Variants in ESRRG observed in about 807,000 individuals in gnomAD.
ESRRG encodes the protein estrogen-related receptor gamma.
In ESRRG, 13 loss-of-function variants were observed where a neutral mutation model predicts 44.0. The observed-to-expected ratio is 0.30, with a 90% CI of 0.19 to 0.47. The LOEUF (loss-of-function observed/expected upper bound fraction) is 0.47, where lower values mean the gene tolerates loss of function less well. Among genes scored for constraint, ESRRG ranks in the 20% least tolerant of loss-of-function variants. The pLI is 1.00. For synonymous variants in ESRRG, 215 were observed against 214.6 expected (o/e 1.00, Z -0.02); for missense variants, 395 against 580.6 (o/e 0.68, Z 3.29).
chr1:216,614,337 CTTTCTCTTTTTT>C (rs2061102088), intron 3 of ESRRG, among the ~76,000 whole-genome samples: 1 of 100,002 alleles, frequency 1.0e-5, no homozygotes, highest in Admixed American at 9.9e-5. Flanking sequence ...GTGACATCCT[CTTTCTCTTTTTT>C]TTTTGACATT....
At chr1:216,840,177 A>G (rs1449325808) in intron 2 of ESRRG, among the ~76,000 whole-genome samples, 1 of 152,186 alleles carries the variant, frequency 6.6e-6, no homozygotes, top group African/African-American at 2.4e-5. Flanking sequence ...CACCTTCATC[A>G]ACGATCCTAG....
chr1:216,582,949 A>G (rs2063074166), intron 3 of ESRRG, among the ~76,000 whole-genome samples: 2 of 152,168 alleles, frequency 1.3e-5, no homozygotes, highest in Admixed American at 6.5e-5. Context: ...TAGAATAGAA[A>G]ACCTAAAGTG....
chr1:217,124,960 G>A (rs546906095), intron 1 of ESRRG, among the ~76,000 whole-genome samples: 210 of 152,246 alleles, frequency 1.4e-3, no homozygotes, highest in Admixed American at 5.0e-3. Context: ...AATTCCTGAA[G>A]GATGCTAAAA....
At chr1:217,084,309 T>C (rs2091948159) in intron 1 of ESRRG, among the ~76,000 whole-genome samples, 1 of 152,204 alleles carries the variant, frequency 6.6e-6, no homozygotes. Context: ...GGTTATAAAC[T>C]GTAACTCACT....
At chr1:216,536,747 C>A (rs2051084437) in intron 5 of ESRRG, among the ~76,000 whole-genome samples, 1 of 152,080 alleles carries the variant, frequency 6.6e-6, no homozygotes. Flanking sequence ...AAATTCCAGT[C>A]ACCATGCTAG....
intron 1 of ESRRG, among the ~76,000 whole-genome samples, chr1:216,982,839 T>C (rs767614873): frequency 2.2e-4 from 33 of 152,154 alleles, no homozygotes; most frequent in Admixed American, 5.9e-4. Flanking sequence ...AAAGGTGACA[T>C]CACAGACACT....
intron 2 of ESRRG, among the ~76,000 whole-genome samples, chr1:216,784,742 A>G (rs1347234628): frequency 6.6e-6 from 1 of 152,008 alleles, no homozygotes; most frequent in Non-Finnish European, 1.5e-5. Flanking sequence ...TTTTGCCCCA[A>G]ACCCCCAACA....
intron 1 of ESRRG, among the ~76,000 whole-genome samples, chr1:216,703,985 G>A (rs554341412): frequency 7.2e-5 from 11 of 152,004 alleles, no homozygotes; most frequent in African/African-American, 2.7e-4. Flanking sequence ...TTGGGAAAAG[G>A]CTGGGTATAA....
At chr1:216,706,671 C>A (rs1381249288) in intron 1 of ESRRG, among the ~76,000 whole-genome samples, 2 of 152,304 alleles carry the variant, frequency 1.3e-5, no homozygotes, top group African/African-American at 2.4e-5. Context: ...AAACACTTGA[C>A]AAAAACTCTC....
chr1:216,866,735 T>C (rs1010667039), intron 2 of ESRRG, among the ~76,000 whole-genome samples: 1 of 152,072 alleles, frequency 6.6e-6, no homozygotes, highest in Non-Finnish European at 1.5e-5. Flanking sequence ...CACACCTGGC[T>C]AATCTCTTTA....
At chr1:216,800,861 G>A (rs764865568) in intron 2 of ESRRG, among the ~76,000 whole-genome samples, 4 of 152,036 alleles carry the variant, frequency 2.6e-5, no homozygotes, top group African/African-American at 4.8e-5. Flanking sequence ...CATGCATTCC[G>A]ACCTTAGGAT....
At position 216,648,355 on chromosome 1, in the gene ESRRG, C is replaced by T. The variant is rs1378708633; in HGVS notation, c.589+2618G>A. Among the ~76,000 whole-genome samples, 7 of 152,150 alleles carry T rather than the reference C, an allele frequency of 4.6e-5. No homozygotes were observed. In the East Asian group the frequency reaches 1.4e-3, roughly 29 times the overall value. Reference sequence around the variant, plus strand: ...AGGTGGTTAAAAAACTGATATTTTGCCATCGAAGTGGGCATTAAGAAGTAA... The same window carrying T: ...AGGTGGTTAAAAAACTGATATTTTGTCATCGAAGTGGGCATTAAGAAGTAA... On this transcript the variant is annotated intron_variant, in intron 3 of 6. Coordinates refer to ENST00000408911, the MANE Select transcript of ESRRG (RefSeq NM_001438.4).
chr1:216,741,289 G>A (rs893283800), intron 2 of ESRRG, among the ~76,000 whole-genome samples: 4 of 140,686 alleles, frequency 2.8e-5, no homozygotes, highest in South Asian at 2.3e-4. Context: ...ATTTATATTT[G>A]TAATTTATAT....
At chr1:216,818,314 T>A (rs2095205020) in intron 2 of ESRRG, among the ~76,000 whole-genome samples, 2 of 152,224 alleles carry the variant, frequency 1.3e-5, no homozygotes, top group Non-Finnish European at 2.9e-5. Flanking sequence ...GTTGGCATTT[T>A]ATTTTTGCTT....
intron 2 of ESRRG, among the ~76,000 whole-genome samples, chr1:216,792,762 G>T (rs1408137389): frequency 6.6e-6 from 1 of 152,144 alleles, no homozygotes; most frequent in Non-Finnish European, 1.5e-5. Context: ...AACAAACTCT[G>T]CATGAAATGT....
At chr1:217,003,570 CTAATTAATAAGTATTAATAT>C (rs2077330760) in intron 1 of ESRRG, among the ~76,000 whole-genome samples, 1 of 115,680 alleles carries the variant, frequency 8.6e-6, no homozygotes, top group Non-Finnish European at 1.8e-5. Context: ...AGTATTAATA[CTAATTAATAAGTATTAATAT>C]TAATTAATAT....
intron 2 of ESRRG, among the ~76,000 whole-genome samples, chr1:216,728,519 G>T (rs1393230244): frequency 4.6e-5 from 7 of 152,036 alleles, no homozygotes; most frequent in African/African-American, 1.7e-4. Flanking sequence ...GGGGCGGGTA[G>T]TGGAGATAGA....
At chr1:216,871,401 A>G (rs1032617959) in intron 2 of ESRRG, among the ~76,000 whole-genome samples, 6 of 152,024 alleles carry the variant, frequency 3.9e-5, no homozygotes, top group Non-Finnish European at 5.9e-5. Flanking sequence ...GATATAGTCT[A>G]TCTTAATGAA....
In ESRRG at chr1:216,675,001, G is replaced by A. The variant is rs559440073; in HGVS notation, c.472+2075C>T. On this transcript the variant is annotated intron_variant, in intron 2 of 6. Transcript: ENST00000408911. Reference sequence around the variant, plus strand: ...AAAAAGCAAGGGAGAGCCAGTACAAGTAAGGATTGTCACTAAAATATTCAG... The same window carrying A: ...AAAAAGCAAGGGAGAGCCAGTACAAATAAGGATTGTCACTAAAATATTCAG... Among the ~76,000 whole-genome samples, 42 of 152,244 alleles carry A rather than the reference G, an allele frequency of 2.8e-4. No homozygotes were observed. The Middle Eastern group carries it at 0.01, about 37-fold the overall frequency.
Sources: allele counts gnomAD v4.1 joint callset (sites outside exome capture counted in the v4.1 genomes callset), GRCh38; gene constraint gnomAD v4.1.1; transcripts MANE v1.5; gene names NCBI Gene and HGNC (gene_info 2026-07-23, HGNC 2026-07-21).